The following PIK3C3 variants were observed in gnomAD, a reference collection of about 807,000 sequenced individuals.
PIK3C3 encodes the protein PI3-kinase type 3.
In PIK3C3, 95 loss-of-function variants were observed where a neutral mutation model predicts 126.1. The observed-to-expected ratio is 0.75, with a 90% confidence interval of 0.64 to 0.89. The LOEUF is 0.89. PIK3C3 is among the 40% of genes least tolerant of loss of function. The pLI, the probability that PIK3C3 is intolerant of heterozygous loss-of-function variation, is 0.00. For synonymous variants in PIK3C3, 374 were observed against 360.0 expected, an observed-to-expected ratio of 1.04 and a Z score of -0.44; for missense variants, 829 against 1,063.2, an observed-to-expected ratio of 0.78 and a Z score of 3.06.
Position 41,955,264 on chromosome 18 carries a change from T to A in PIK3C3, c.-28T>A. 1 of 1,599,920 alleles carries A rather than the reference T, an allele frequency of 6.3e-7. No homozygotes were observed. Among genetic ancestry groups the A allele is most frequent in the Non-Finnish European group, 8.6e-7 (1 of 1,169,132 alleles). On this transcript the variant is annotated 5_prime_UTR_variant, in exon 1 of 25. Transcript: ENST00000262039. ...GTTTTTCCTGTACCTAAGTTCCCGC[T>A]GTAGGTGGTACCTTTGCAGACGGTG...
chr18:42,044,992 G>T (rs1040975172), intron 20 of PIK3C3, among the ~76,000 whole-genome samples: 10 of 152,052 alleles, frequency 6.6e-5, no homozygotes, highest in Non-Finnish European at 1.0e-4. Flanking sequence ...TAATATTTTT[G>T]TGTTTTTCAC....
chr18:41,955,547 A>AT, intron 1 of PIK3C3, 188 bp downstream of exon 1: 1 of 539,526 alleles, frequency 1.9e-6, no homozygotes, highest in South Asian at 2.3e-5. Context: ...TTGGAAAAGG[A>AT]TTTAATACGT....
intron 3 of PIK3C3, among the ~76,000 whole-genome samples, chr18:41,965,410 A>C (rs1598849217): frequency 6.6e-6 from 1 of 152,082 alleles, no homozygotes; most frequent in East Asian, 1.9e-4. Flanking sequence ...ATCTAAACAA[A>C]CTCTCAGATT....
intron 20 of PIK3C3, among the ~76,000 whole-genome samples, chr18:42,044,489 T>C (rs1180076787): frequency 2.0e-5 from 3 of 152,094 alleles, no homozygotes; most frequent in African/African-American, 7.2e-5. Flanking sequence ...CACAGCTTAC[T>C]GCGGCCTGGA....
intron 23 of PIK3C3, among the ~76,000 whole-genome samples, chr18:42,067,095 G>T (rs886908009): frequency 1.3e-5 from 2 of 151,912 alleles, no homozygotes; most frequent in Non-Finnish European, 2.9e-5. Flanking sequence ...TTAGTTAAAA[G>T]AGCAGTTTTT....
At chr18:42,049,648 C>T in intron 21 of PIK3C3, 43 bp downstream of exon 21, 1 of 1,412,032 alleles carries the variant, frequency 7.1e-7, no homozygotes, top group South Asian at 1.2e-5. Context: ...TGTATATGCC[C>T]ATGGTTTTTA....
At chr18:42,058,099 T>C (rs750617128) in intron 22 of PIK3C3, 48 bp downstream of exon 22, 1 of 1,469,670 alleles carries the variant, frequency 6.8e-7, no homozygotes, top group South Asian at 1.4e-5. Flanking sequence ...TTTATTTTAT[T>C]TTATAGAACA....
intron 21 of PIK3C3, among the ~76,000 whole-genome samples, chr18:42,054,181 T>G (rs867153092): frequency 0.029 from 1,999 of 69,800 alleles, 109 homozygotes; most frequent in Middle Eastern, 0.06. Flanking sequence ...TATATATATA[T>G]ATATATATAT....
At chr18:41,982,927 A>G (rs1240407729) in intron 4 of PIK3C3, among the ~76,000 whole-genome samples, 1 of 152,186 alleles carries the variant, frequency 6.6e-6, no homozygotes, top group Non-Finnish European at 1.5e-5. Flanking sequence ...AGGGTTTTGC[A>G]TAGTGTAGAT....
chr18:41,975,171 G>A (rs1980853118), intron 4 of PIK3C3, among the ~76,000 whole-genome samples: 1 of 152,172 alleles, frequency 6.6e-6, no homozygotes, highest in East Asian at 1.9e-4. Context: ...TGGGTCCAGG[G>A]TCTAGATCTC....
At chr18:42,080,132 CAT>C (rs1053714282) in intron 24 of PIK3C3, among the ~76,000 whole-genome samples, 1 of 152,156 alleles carries the variant, frequency 6.6e-6, no homozygotes, top group African/African-American at 2.4e-5. Flanking sequence ...ACCAAATAAA[CAT>C]ATGTGGTTTT....
Position 42,074,621 on chromosome 18 carries a change from AAGCATTACT to A in PIK3C3, c.2650-6499_2650-6491del, listed in dbSNP as rs566914897. Among the ~76,000 whole-genome samples the A allele has an allele frequency of 4.6e-5, 7 of 152,282 alleles. No individual in the cohort carries two copies. In the South Asian group the frequency reaches 1.4e-3, roughly 32 times the overall value. On this transcript the variant is annotated intron_variant, in intron 24 of 24. Transcript: ENST00000262039. The stretch of plus-strand genomic sequence containing the variant: ...TGCAAAACAAACTATTGCAGGTTTA[AAGCATTACT>A]AGTACTCGTATGTTAAATATAAGTA...
At chr18:42,013,304 T>C (rs1982917097) in intron 10 of PIK3C3, 138 bp from the exon 11 acceptor site, 1 of 572,140 alleles carries the variant, frequency 1.7e-6, no homozygotes, top group East Asian at 3.2e-5. Flanking sequence ...TTAAGTAATT[T>C]GGTGACGTGC....
chr18:41,977,257 A>G (rs1446570915), intron 4 of PIK3C3, among the ~76,000 whole-genome samples: 1 of 152,208 alleles, frequency 6.6e-6, no homozygotes, highest in Non-Finnish European at 1.5e-5. Flanking sequence ...AAAAAACAGT[A>G]GATCTTAAGA....
intron 4 of PIK3C3, among the ~76,000 whole-genome samples, chr18:41,974,150 T>C (rs937325247): frequency 2.0e-5 from 3 of 152,154 alleles, no homozygotes; most frequent in Non-Finnish European, 4.4e-5. Context: ...AAGAGGACTG[T>C]GAAATGAAGA....
At chr18:42,026,851 G>A (rs370520536) in intron 13 of PIK3C3, 1 of 152,310 alleles carries the variant, frequency 6.6e-6, no homozygotes, top group South Asian at 2.1e-4. Flanking sequence ...ATAAGCAGAT[G>A]AGGGTTAAGA....
intron 4 of PIK3C3, among the ~76,000 whole-genome samples, chr18:41,986,787 C>A (rs1322881334): frequency 2.0e-5 from 3 of 152,046 alleles, no homozygotes; most frequent in Admixed American, 1.3e-4. Context: ...GAAATTACCT[C>A]ACATGAAAGG....
intron 21 of PIK3C3, among the ~76,000 whole-genome samples, chr18:42,051,991 AAAAT>A (rs1168588558): frequency 6.6e-6 from 1 of 151,618 alleles, no homozygotes; most frequent in African/African-American, 2.4e-5. Context: ...AATAAAATAA[AAAAT>A]AAAATAAATA....
chr18:42,074,275 C>G (rs945535404), intron 24 of PIK3C3, among the ~76,000 whole-genome samples: 2 of 152,128 alleles, frequency 1.3e-5, no homozygotes, highest in African/African-American at 4.8e-5. Flanking sequence ...TAGGACCATA[C>G]ATAGCTAATA....
Sources: allele counts gnomAD v4.1 joint callset (sites outside exome capture counted in the v4.1 genomes callset), GRCh38; gene constraint gnomAD v4.1.1; transcripts MANE v1.5; gene names NCBI Gene and HGNC (gene_info 2026-07-23, HGNC 2026-07-21).